CNOT1: variants seen among roughly 807,000 people sequenced by gnomAD.
CNOT1 encodes the protein CCR4-associated factor 1.
A neutral mutation model predicts 273.8 loss-of-function variants in CNOT1; 15 were observed. The ratio of observed to expected loss-of-function variants is 0.05; its 90% CI spans 0.04 to 0.08. The LOEUF (loss-of-function observed/expected upper bound fraction) is 0.08, where lower values mean the gene tolerates loss of function less well. Among genes scored for constraint, CNOT1 ranks in the 10% least tolerant of loss-of-function variants. CNOT1 has a pLI of 1.00. For missense variants in CNOT1, 1,644 were observed against 2,912.2 expected (o/e 0.56, Z 10.02); for synonymous variants, 1,022 against 1,005.5 (o/e 1.02, Z -0.31).
At chr16:58,624,857 C>CT (rs1431142080) in intron 1 of CNOT1, 2 of 152,100 alleles carry the variant, frequency 1.3e-5, no homozygotes, top group African/African-American at 4.8e-5. Flanking sequence ...GTCTACACCT[C>CT]TAATTACTGC....
intron 2 of CNOT1, chr16:58,597,813 C>T (rs1243769004): frequency 4.5e-6 from 2 of 449,042 alleles, no homozygotes; most frequent in Non-Finnish European, 8.7e-6. Context: ...CAAAAGACAA[C>T]CCATGTGAAG....
At chr16:58,526,198 T>A (rs2039574410) in intron 44 of CNOT1, 60 bp from the exon 45 acceptor site, 1 of 1,579,364 alleles carries the variant, frequency 6.3e-7, no homozygotes, top group African/African-American at 1.3e-5. Context: ...AAATTACATC[T>A]ATGCTTAAGT....
intron 2 of CNOT1, chr16:58,597,721 C>G (rs1434496763): frequency 1.9e-6 from 1 of 516,098 alleles, no homozygotes; most frequent in Non-Finnish European, 3.9e-6. Flanking sequence ...ACCCACTGCA[C>G]AGGAGGGTGT....
chr16:58,574,557 T>C (rs1243675854), intron 16 of CNOT1, 52 bp downstream of exon 16: 61 of 1,498,808 alleles, frequency 4.1e-5, no homozygotes, highest in Non-Finnish European at 4.6e-5. Context: ...AGTCTACAAT[T>C]ATTCATATAA....
chr16:58,528,897 CAAAAAAT>C (rs568909813), intron 43 of CNOT1, among the ~76,000 whole-genome samples: 4 of 138,976 alleles, frequency 2.9e-5, no homozygotes, highest in East Asian at 4.2e-4. Flanking sequence ...GGAGACTGGA[CAAAAAAT>C]AAAAATACAA....
At chr16:58,603,482 T>A (rs929794512) in intron 1 of CNOT1, among the ~76,000 whole-genome samples, 8 of 150,688 alleles carry the variant, frequency 5.3e-5, no homozygotes, top group African/African-American at 1.9e-4. Flanking sequence ...AGATATGTCA[T>A]CCTGTTCTCA....
At chr16:58,548,387 A>G (rs1049070186) in intron 25 of CNOT1, 7 of 438,104 alleles carry the variant, frequency 1.6e-5, no homozygotes, top group Non-Finnish European at 2.7e-5. Flanking sequence ...ACTTAGGGCT[A>G]TATTTAAACT....
intron 30 of CNOT1, among the ~76,000 whole-genome samples, chr16:58,544,660 G>T (rs190554945): frequency 6.6e-6 from 1 of 152,184 alleles, no homozygotes; most frequent in East Asian, 1.9e-4. Flanking sequence ...AAAGTTCAAT[G>T]TATTAATGTT....
chr16:58,558,133 A>G (rs1174207868), intron 18 of CNOT1, among the ~76,000 whole-genome samples: 1 of 152,232 alleles, frequency 6.6e-6, no homozygotes, highest in African/African-American at 2.4e-5. Context: ...TACCTTTATT[A>G]TACCAACCTG....
intron 12 of CNOT1, 140 bp downstream of exon 12, chr16:58,580,493 A>G (rs1243151671): frequency 8.3e-6 from 11 of 1,322,194 alleles, no homozygotes; most frequent in Non-Finnish European, 1.1e-5. Context: ...AACCCCCTCT[A>G]TAAATACTTA....
chr16:58,549,878 C>T lies in CNOT1; in HGVS notation c.3363G>A (p.Thr1121=), dbSNP rs577698168. Residue 1121 remains threonine (T), a synonymous_variant, in exon 25 of 49, where the codon ACG becomes ACA. Coordinates refer to ENST00000317147, the MANE Select transcript of CNOT1 (RefSeq NM_016284.5). ...CCCAAGGCATAAATTCTTCTTTCAC[C>T]GTTTCCTTTAGCTCTTCAACCTAGC... ...MTQKVEELKE[T]VKEEFMPWVS... The T allele has an allele frequency of 1.7e-5, 27 of 1,613,872 alleles. No individual in the cohort carries two copies. Among genetic ancestry groups the T allele is most frequent in the Middle Eastern group, 1.7e-4 (1 of 6,058 alleles).
At chr16:58,619,157 T>A (rs1198124956) in intron 1 of CNOT1, among the ~76,000 whole-genome samples, 1 of 152,088 alleles carries the variant, frequency 6.6e-6, no homozygotes, top group Non-Finnish European at 1.5e-5. Flanking sequence ...GCCATGATCG[T>A]GCCACTGCAC....
chr16:58,531,705 TA>T (rs35595725), intron 42 of CNOT1, among the ~76,000 whole-genome samples: 14 of 151,050 alleles, frequency 9.3e-5, no homozygotes, highest in Admixed American at 1.3e-4. Context: ...GAAAAAACAA[TA>T]AAAAAAAACT....
At position 58,547,365 on chromosome 16, in the gene CNOT1, A is replaced by G. The variant is rs546225968; in HGVS notation, c.3640-69T>C. On this transcript the variant is annotated intron_variant, in intron 26 of 48. Transcript: ENST00000317147. This position sits in a 1 kb window ranked among gnomAD's most constrained non-coding sequence, Gnocchi z 4.0. ...CAAAATGGTATAACAAAACCAAAGA[A>G]AAGTATTTTGCCAAGCTTATCCCCA... The G allele has an allele frequency of 1.2e-5, 19 of 1,588,254 alleles. No individual in the cohort carries two copies. In the South Asian group the frequency reaches 1.9e-4, roughly 16 times the overall value.
At chr16:58,612,496 T>C (rs1389540489) in intron 1 of CNOT1, among the ~76,000 whole-genome samples, 5 of 152,292 alleles carry the variant, frequency 3.3e-5, no homozygotes, top group Middle Eastern at 3.4e-3. Flanking sequence ...CCCAGCACTT[T>C]GGGAGGCCAA....
chr16:58,576,673 T>C, intron 13 of CNOT1, 91 bp from the exon 14 acceptor site: 1 of 1,552,468 alleles, frequency 6.4e-7, no homozygotes, highest in Non-Finnish European at 8.7e-7. Context: ...CTAGAACTTG[T>C]ATAAAAATCA....
intron 16 of CNOT1, among the ~76,000 whole-genome samples, chr16:58,571,717 C>T (rs1335855110): frequency 4.2e-4 from 64 of 152,104 alleles, no homozygotes; most frequent in Non-Finnish European, 1.0e-4. Context: ...GTGGCTCATG[C>T]CTGTGATCCC....
chr16:58,593,456 G>A (rs368144025), intron 2 of CNOT1, among the ~76,000 whole-genome samples: 4 of 152,238 alleles, frequency 2.6e-5, no homozygotes, highest in East Asian at 3.9e-4. Context: ...CTACTTGGGA[G>A]GCTGAGACAG....
intron 1 of CNOT1, among the ~76,000 whole-genome samples, chr16:58,620,282 TAG>T (rs1485326059): frequency 5.3e-5 from 8 of 152,180 alleles, no homozygotes; most frequent in African/African-American, 1.9e-4. Context: ...TAGGTATTTA[TAG>T]ACAGTACACC....
Sources: allele counts gnomAD v4.1 joint callset (sites outside exome capture counted in the v4.1 genomes callset), GRCh38; gene constraint gnomAD v4.1.1; non-coding constraint Gnocchi (gnomAD v3.1); transcripts MANE v1.5; gene names NCBI Gene and HGNC (gene_info 2026-07-23, HGNC 2026-07-21).